The following MEGF11 variants were observed in gnomAD, a reference collection of about 807,000 sequenced individuals.
MEGF11 encodes the protein multiple epidermal growth factor-like domains protein 11.
In MEGF11, 126 loss-of-function variants were observed where a neutral mutation model predicts 146.6. The observed-to-expected ratio is 0.86, with a 90% CI of 0.74 to 1.00. The LOEUF is 1.00. Ranked by LOEUF, MEGF11 falls within the 50% of genes least tolerant of loss-of-function variation. MEGF11 has a pLI of 0.00. For synonymous variants in MEGF11, 532 were observed against 583.4 expected (o/e 0.91, Z 1.27); for missense variants, 1,509 against 1,521.2 (o/e 0.99, Z 0.13).
intron 1 of MEGF11, among the ~76,000 whole-genome samples, chr15:66,165,355 A>G (rs1364149273): frequency 6.6e-6 from 1 of 152,164 alleles, no homozygotes; most frequent in Non-Finnish European, 1.5e-5. Flanking sequence ...GAGAGTACAC[A>G]TGAAGTCCCT....
chr15:66,047,395 G>T (rs1369097543), intron 5 of MEGF11, among the ~76,000 whole-genome samples: 1 of 152,064 alleles, frequency 6.6e-6, no homozygotes, highest in Non-Finnish European at 1.5e-5. Flanking sequence ...CGAGTTACAT[G>T]TCTTCTCTGA....
chr15:66,079,537 A>AT (rs796735897), intron 5 of MEGF11, among the ~76,000 whole-genome samples: 3 of 122,048 alleles, frequency 2.5e-5, no homozygotes, highest in East Asian at 2.6e-4. Context: ...CTTCATTCAC[A>AT]CCCCCCCCCC....
Position 65,969,979 on chromosome 15 carries a change from G to A in MEGF11, c.899+574C>T, listed in dbSNP as rs192287328. Among the ~76,000 whole-genome samples, 5 of 152,140 alleles carry A rather than the reference G, an allele frequency of 3.3e-5. No individual in the cohort carries two copies. The East Asian group carries it at 9.7e-4, about 29-fold the overall frequency. ...CCTCTGCACCTGCCCTGTCATCATG[G>A]CCTCCTTCTTCCCGCTGTGGCACAT... is the stretch of plus-strand genomic sequence containing the variant. On this transcript the variant is annotated intron_variant, in intron 8 of 25. Transcript: ENST00000395614.
intron 5 of MEGF11, among the ~76,000 whole-genome samples, chr15:65,992,036 A>C (rs997566177): frequency 7.2e-5 from 11 of 152,234 alleles, no homozygotes; most frequent in Non-Finnish European, 1.5e-4. Flanking sequence ...AGGGTGCTCC[A>C]CTGTCAGGCT....
At chr15:66,087,844 GACAACA>G (rs899028420) in intron 5 of MEGF11, among the ~76,000 whole-genome samples, 5 of 151,964 alleles carry the variant, frequency 3.3e-5, no homozygotes, top group Non-Finnish European at 7.4e-5. Context: ...ATGAAATTGA[GACAACA>G]ACAACAACAA....
At chr15:66,181,516 T>TCTTCTACTATAA (rs1555479660) in intron 1 of MEGF11, among the ~76,000 whole-genome samples, 3 of 86,990 alleles carry the variant, frequency 3.4e-5, no homozygotes, top group Middle Eastern at 5.8e-3. Context: ...TCTTCTATTC[T>TCTTCTACTATAA]CTTCTACTAT....
chr15:66,082,425 TAAAAAAAAAAAAAAAAAA>T (rs796328490), intron 5 of MEGF11, among the ~76,000 whole-genome samples: 13 of 15,682 alleles, frequency 8.3e-4, no homozygotes, highest in Admixed American at 1.4e-3. Flanking sequence ...CCATCTCTAC[TAAAAAAAAAAAAAAAAAA>T]AAAAAAAAAA....
chr15:66,173,487 C>T (rs11071864), intron 1 of MEGF11, among the ~76,000 whole-genome samples: 82,763 of 151,668 alleles, frequency 0.55, 24,273 homozygotes, highest in African/African-American at 0.78. Flanking sequence ...TACTAATTTT[C>T]TGTATTTTTA....
intron 10 of MEGF11, among the ~76,000 whole-genome samples, chr15:65,955,785 TATATATATAC>T (rs1466966213): frequency 8.5e-4 from 6 of 7,042 alleles, no homozygotes; most frequent in Middle Eastern, 0.1. Context: ...TATATATATA[TATATATATAC>T]ACACACACAC....
intron 1 of MEGF11, among the ~76,000 whole-genome samples, chr15:66,180,226 T>C (rs927628998): frequency 3.9e-5 from 6 of 152,180 alleles, no homozygotes; most frequent in African/African-American, 7.2e-5. Flanking sequence ...AGAGAGAATG[T>C]GAAGGAGCTA....
At chr15:66,013,475 C>T (rs2082776843) in intron 5 of MEGF11, among the ~76,000 whole-genome samples, 1 of 151,974 alleles carries the variant, frequency 6.6e-6, no homozygotes, top group South Asian at 2.1e-4. Flanking sequence ...GCCCCCATTT[C>T]CTGAGTGACT....
At chr15:66,179,099 A>G (rs1462671706) in intron 1 of MEGF11, among the ~76,000 whole-genome samples, 1 of 152,046 alleles carries the variant, frequency 6.6e-6, no homozygotes, top group Non-Finnish European at 1.5e-5. Context: ...GGGAAGCATC[A>G]CAGCCCCAGC....
rs769147313 is a variant in MEGF11, at chr15:65,965,603, T to TCTTTC, written c.900-484_900-483insGAAAG. ...TTCTTTCTTTCTTTCTTTCTTTCTT[T>TCTTTC]TTTTTTTTTCTTTTTTTTTTTTTTG... is the stretch of plus-strand genomic sequence containing the variant. On this transcript the variant is annotated intron_variant, in intron 8 of 25. Transcript: ENST00000395614. 1.2e-3 allele frequency among the ~76,000 whole-genome samples: 83 copies of TCTTTC among 72,152 alleles called. 2 individuals carry two copies. Among genetic ancestry groups the TCTTTC allele is most frequent in the Non-Finnish European group, 1.8e-3 (59 of 32,488 alleles). The allele number at this position is 72,152 out of a possible 152,430, so 47.3% of individuals were successfully genotyped here. A position where few individuals can be genotyped will look rare whatever the true frequency, so the allele number is the denominator to read the frequency against.
intron 13 of MEGF11, among the ~76,000 whole-genome samples, chr15:65,924,649 G>T: frequency 7.8e-6 from 1 of 128,644 alleles, no homozygotes; most frequent in African/African-American, 2.9e-5. Flanking sequence ...TTTTTTTGGA[G>T]ACAGGGTCTC....
chr15:66,172,928 G>A (rs759563402), intron 1 of MEGF11, among the ~76,000 whole-genome samples: 4 of 152,108 alleles, frequency 2.6e-5, no homozygotes, highest in Admixed American at 6.5e-5. Flanking sequence ...ACTTTTCCGC[G>A]TCCCTTTTCT....
intron 2 of MEGF11, among the ~76,000 whole-genome samples, chr15:66,126,879 A>G (rs1036509976): frequency 1.3e-5 from 2 of 152,254 alleles, no homozygotes; most frequent in African/African-American, 4.8e-5. Context: ...AAAGCTTATG[A>G]AAAATGCAAT....
At chr15:66,099,018 T>C (rs761411045) in intron 4 of MEGF11, among the ~76,000 whole-genome samples, 6 of 152,104 alleles carry the variant, frequency 3.9e-5, no homozygotes, top group Non-Finnish European at 5.9e-5. Flanking sequence ...TGTGGCCACA[T>C]TGGGCTTCCA....
At chr15:66,084,972 G>C (rs185707140) in intron 5 of MEGF11, among the ~76,000 whole-genome samples, 1 of 152,298 alleles carries the variant, frequency 6.6e-6, no homozygotes, top group African/African-American at 2.4e-5. Context: ...GGCGGGGGAA[G>C]GGGGGACGGG....
chr15:66,253,237 G>A (rs1597178614), intron 1 of MEGF11, among the ~76,000 whole-genome samples: 1 of 152,304 alleles, frequency 6.6e-6, no homozygotes, highest in African/African-American at 2.4e-5. Context: ...CAAGGGGGCG[G>A]ACGGGCGCCC....
Sources: gnomAD v4.1 joint callset for allele counts (sites outside exome capture counted in the v4.1 genomes callset) on GRCh38, gnomAD v4.1.1 for gene constraint, MANE v1.5 for transcripts, NCBI Gene and HGNC (gene_info 2026-07-23, HGNC 2026-07-21) for gene names.